The following EYS variants were observed in gnomAD, a reference collection of about 807,000 sequenced individuals.
EYS encodes the protein protein eyes shut homolog.
A neutral mutation model predicts 282.1 loss-of-function variants in EYS; 250 were observed. The ratio of observed to expected loss-of-function variants is 0.89; its 90% confidence interval spans 0.80 to 0.98. The LOEUF (loss-of-function observed/expected upper bound fraction) is 0.98, where lower values mean the gene tolerates loss of function less well. Ranked by LOEUF, EYS falls within the 50% of genes least tolerant of loss-of-function variation. The pLI is 0.00. For synonymous variants in EYS, 1,355 were observed against 1,282.9 expected (o/e 1.06, Z -1.20); for missense variants, 4,016 against 3,709.0 (o/e 1.08, Z -2.15).
At position 63,758,244 on chromosome 6, in the gene EYS, T is replaced by C. The variant is rs141825376; in HGVS notation, c.8071+4217A>G. 4.0e-4 allele frequency among the ~76,000 whole-genome samples: 61 copies of C among 152,270 alleles called. No homozygotes were observed. In the East Asian group the frequency reaches 0.011, roughly 27 times the overall value. On this transcript the variant is annotated intron_variant, in intron 41 of 42. Coordinates refer to ENST00000503581, the MANE Select transcript of EYS (RefSeq NM_001142800.2). ...GTTTTAAACATTTTATTTGGTCATT[T>C]TGGAAACTTAATGTCTACTACATTT...
At chr6:64,026,927 A>ATAGG (rs1315086583) in intron 33 of EYS, among the ~76,000 whole-genome samples, 1 of 152,190 alleles carries the variant, frequency 6.6e-6, no homozygotes, top group African/African-American at 2.4e-5. Context: ...GATGATCCTG[A>ATAGG]TAGGTACATA....
intron 29 of EYS, among the ~76,000 whole-genome samples, chr6:64,340,292 G>C (rs1006992638): frequency 2.6e-5 from 4 of 151,636 alleles, no homozygotes; most frequent in African/African-American, 9.7e-5. Flanking sequence ...AATGAAGCCA[G>C]AGGCATCACA....
At chr6:63,910,676 T>A (rs915108707) in intron 35 of EYS, among the ~76,000 whole-genome samples, 2 of 152,228 alleles carry the variant, frequency 1.3e-5, no homozygotes, top group Non-Finnish European at 2.9e-5. Flanking sequence ...CTCTTTTAAA[T>A]CATGTTGATA....
intron 36 of EYS, among the ~76,000 whole-genome samples, chr6:63,842,081 G>A (rs891158535): frequency 3.3e-5 from 5 of 152,184 alleles, no homozygotes; most frequent in African/African-American, 1.2e-4. Context: ...ACGTGTGCAT[G>A]TGTCTTTATA....
chr6:64,725,101 A>T (rs1400252207), intron 22 of EYS, among the ~76,000 whole-genome samples: 1 of 152,116 alleles, frequency 6.6e-6, no homozygotes, highest in African/African-American at 2.4e-5. Context: ...CTTCCCTCTA[A>T]CCACCCATTT....
intron 12 of EYS, among the ~76,000 whole-genome samples, chr6:65,234,766 T>C (rs1766881780): frequency 6.6e-6 from 1 of 152,188 alleles, no homozygotes; most frequent in South Asian, 2.1e-4. Flanking sequence ...GTTTGTATAA[T>C]ATGGAGATGC....
At chr6:64,966,260 G>C (rs1165510250) in intron 14 of EYS, among the ~76,000 whole-genome samples, 1 of 151,994 alleles carries the variant, frequency 6.6e-6, no homozygotes, top group Non-Finnish European at 1.5e-5. Context: ...ATTATTTTTA[G>C]CTATGAGAAA....
chr6:64,307,455 T>C (rs1442257576), intron 29 of EYS, among the ~76,000 whole-genome samples: 2 of 152,122 alleles, frequency 1.3e-5, no homozygotes, highest in Admixed American at 1.3e-4. Context: ...CACAAACATA[T>C]GTGATTATCT....
At chr6:64,652,676 T>C (rs1369716360) in intron 22 of EYS, among the ~76,000 whole-genome samples, 4 of 152,200 alleles carry the variant, frequency 2.6e-5, no homozygotes, top group African/African-American at 7.2e-5. Context: ...AAATCAGTGA[T>C]AATTTGTTAT....
At chr6:64,703,429 A>ATATT (rs869208549) in intron 22 of EYS, among the ~76,000 whole-genome samples, 5 of 23,362 alleles carry the variant, frequency 2.1e-4, no homozygotes, top group African/African-American at 4.8e-4. Context: ...ATATATATAT[A>ATATT]TTTTTTTTTT....
chr6:64,111,668 T>C (rs1773209577), intron 31 of EYS, among the ~76,000 whole-genome samples: 1 of 152,022 alleles, frequency 6.6e-6, no homozygotes, highest in Non-Finnish European at 1.5e-5. Flanking sequence ...CAGTGTAAAG[T>C]GGTGGCCATG....
intron 33 of EYS, among the ~76,000 whole-genome samples, chr6:64,057,597 T>G (rs1771029688): frequency 6.6e-6 from 1 of 152,176 alleles, no homozygotes; most frequent in Non-Finnish European, 1.5e-5. Flanking sequence ...CAAAGAGAGA[T>G]GTCTGATTAG....
At chr6:64,302,493 A>C (rs1769270605) in intron 30 of EYS, among the ~76,000 whole-genome samples, 1 of 152,178 alleles carries the variant, frequency 6.6e-6, no homozygotes, top group Non-Finnish European at 1.5e-5. Flanking sequence ...TATGTCATTA[A>C]ACATCTCCTT....
chr6:64,390,615 C>G (rs1773090600), intron 28 of EYS, among the ~76,000 whole-genome samples: 2 of 150,930 alleles, frequency 1.3e-5, no homozygotes, highest in South Asian at 4.2e-4. Context: ...ATACCAAAAA[C>G]CCATCTGTAC....
chr6:64,465,849 T>A (rs1369906765), intron 26 of EYS, among the ~76,000 whole-genome samples: 1 of 151,938 alleles, frequency 6.6e-6, no homozygotes, highest in Non-Finnish European at 1.5e-5. Flanking sequence ...TTGGAAACCA[T>A]ACATCTGTTA....
chr6:64,654,703 C>T (rs915491170), intron 22 of EYS, among the ~76,000 whole-genome samples: 7 of 152,128 alleles, frequency 4.6e-5, no homozygotes, highest in African/African-American at 1.7e-4. Context: ...TGACATGAAT[C>T]CTGATTTTTT....
chr6:65,398,029 T>C (rs969201361), intron 7 of EYS, among the ~76,000 whole-genome samples: 2 of 152,110 alleles, frequency 1.3e-5, no homozygotes, highest in Non-Finnish European at 2.9e-5. Context: ...ATTTTTTATA[T>C]GTTTTTTGGC....
chr6:63,790,357 CAG>C (rs1200587286), intron 37 of EYS, among the ~76,000 whole-genome samples: 1 of 152,100 alleles, frequency 6.6e-6, no homozygotes, highest in East Asian at 1.9e-4. Flanking sequence ...AAGTGGAAGA[CAG>C]AAATATTATT....
chr6:65,269,857 C>A (rs1214229125), intron 12 of EYS, among the ~76,000 whole-genome samples: 1 of 152,164 alleles, frequency 6.6e-6, no homozygotes, highest in East Asian at 1.9e-4. Flanking sequence ...AATTACCTCC[C>A]AGAGACCCTA....
Sources: gnomAD v4.1 joint callset for allele counts (sites outside exome capture counted in the v4.1 genomes callset) on GRCh38, gnomAD v4.1.1 for gene constraint, MANE v1.5 for transcripts, NCBI Gene and HGNC (gene_info 2026-07-23, HGNC 2026-07-21) for gene names.